Variants in CAPN8 observed in about 807,000 individuals in gnomAD.
CAPN8 encodes calpain-8.
In CAPN8, 87 loss-of-function variants were observed where a neutral mutation model predicts 80.9. The ratio of observed to expected loss-of-function variants is 1.07; its 90% CI spans 0.90 to 1.28. CAPN8 has a LOEUF of 1.28. Among genes scored for constraint, CAPN8 ranks in the 50% most tolerant of loss-of-function variants. CAPN8 has a pLI of 0.00. For missense variants in CAPN8, 757 were observed against 702.0 expected, an observed-to-expected ratio of 1.08 and a Z score of -0.89; for synonymous variants, 299 against 273.8, an observed-to-expected ratio of 1.09 and a Z score of -0.91.
intron 4 of CAPN8, 58 bp from the exon 5 acceptor site, chr1:223,627,215 A>T: frequency 1.3e-6 from 2 of 1,525,676 alleles, no homozygotes; most frequent in East Asian, 2.5e-5. Context: ...AGACCCGGGG[A>T]TTGGGGACCG....
At chr1:223,624,866 G>A (rs542509079) in intron 6 of CAPN8, among the ~76,000 whole-genome samples, 11 of 152,166 alleles carry the variant, frequency 7.2e-5, no homozygotes, top group African/African-American at 1.2e-4. Context: ...AGGTCGAGGC[G>A]GGCAGATCAT....
At chr1:223,544,897 C>T in intron 17 of CAPN8, 47 bp from the exon 18 acceptor site, 2 of 1,550,514 alleles carry the variant, frequency 1.3e-6, no homozygotes, top group African/African-American at 1.4e-5. Context: ...ATTCACGGCC[C>T]CTGCCAGAAC....
chr1:223,657,850 A>G (rs1305474341), intron 1 of CAPN8, among the ~76,000 whole-genome samples: 2 of 152,152 alleles, frequency 1.3e-5, no homozygotes, highest in African/African-American at 4.8e-5. Context: ...TTCTACATCC[A>G]TAGCTTCATA....
At position 223,619,363 on chromosome 1, in the gene CAPN8, T is replaced by A; in HGVS notation, c.1065A>T (p.Lys355Asn). ...GGCCGTTGAACAGGACCAGGTTCCA[T>A]TTGTGCACCTCCTCGCTACTCAGAG... The part of the protein sequence containing the change: ...PDSLSSEEVH[K>N]WNLVLFNGHW... The change falls in exon 9 of 21, where the codon AAA becomes AAT. Residue 355 changes from lysine to asparagine, a missense_variant. Lys to Asn is a moderately conservative substitution (Grantham distance 94). Coordinates refer to ENST00000366872, the MANE Select transcript of CAPN8 (RefSeq NM_001143962.2). 1 of 1,551,588 alleles carries A rather than the reference T, an allele frequency of 6.4e-7. No individual in the cohort carries two copies. The highest frequency in any genetic ancestry group is 8.7e-7 in the Non-Finnish European group (1 of 1,146,962).
chr1:223,646,301 G>C (rs755783526), intron 2 of CAPN8, among the ~76,000 whole-genome samples: 2 of 152,226 alleles, frequency 1.3e-5, no homozygotes, highest in Non-Finnish European at 2.9e-5. Flanking sequence ...CTTCCAGAAG[G>C]ACCAGCCTTT....
chr1:223,611,323 A>C (rs896244507), intron 11 of CAPN8, among the ~76,000 whole-genome samples: 1 of 152,238 alleles, frequency 6.6e-6, no homozygotes, highest in Non-Finnish European at 1.5e-5. Context: ...AGTGTGCCCT[A>C]TCAGTTTACT....
At chr1:223,550,424 G>A (rs1394350796) in intron 15 of CAPN8, among the ~76,000 whole-genome samples, 1 of 152,162 alleles carries the variant, frequency 6.6e-6, no homozygotes, top group Middle Eastern at 3.2e-3. Flanking sequence ...AGCTCCCTGT[G>A]TCCTCCTGTG....
At chr1:223,551,676 G>C (rs1368668671) in intron 14 of CAPN8, among the ~76,000 whole-genome samples, 1 of 152,218 alleles carries the variant, frequency 6.6e-6, no homozygotes, top group African/African-American at 2.4e-5. Flanking sequence ...CAGTGTGGAA[G>C]ATCCTTAAAT....
chr1:223,618,228 C>T (rs1226867715), intron 9 of CAPN8: 1 of 1,550,446 alleles, frequency 6.4e-7, no homozygotes, highest in African/African-American at 1.4e-5. Context: ...GTGGGGCTGT[C>T]TTCCTGAGTT....
At chr1:223,549,146 T>A (rs1656713323) in intron 16 of CAPN8, among the ~76,000 whole-genome samples, 172 bp downstream of exon 16, 2 of 152,172 alleles carry the variant, frequency 1.3e-5, no homozygotes, top group African/African-American at 4.8e-5. Flanking sequence ...ATCCATGATA[T>A]GATACATTTT....
intron 2 of CAPN8, among the ~76,000 whole-genome samples, chr1:223,644,609 A>C (rs1448080008): frequency 6.6e-6 from 1 of 152,182 alleles, no homozygotes; most frequent in African/African-American, 2.4e-5. Flanking sequence ...GTGGTGGTAA[A>C]TCCTGTAAAG....
intron 16 of CAPN8, 116 bp downstream of exon 16, chr1:223,549,202 C>T: frequency 8.0e-7 from 1 of 1,245,550 alleles, no homozygotes; most frequent in Non-Finnish European, 1.1e-6. Context: ...TCCATGCCTG[C>T]TCTCTCCCCT....
At chr1:223,640,828 C>A (rs551998922) in intron 2 of CAPN8, among the ~76,000 whole-genome samples, 2 of 152,150 alleles carry the variant, frequency 1.3e-5, no homozygotes, top group Non-Finnish European at 2.9e-5. Flanking sequence ...CCACCTAACA[C>A]TAGAAACATT....
chr1:223,544,871 C>T (rs1194609886), intron 17 of CAPN8, 21 bp from the exon 18 acceptor site: 1 of 1,551,488 alleles, frequency 6.4e-7, no homozygotes, highest in Non-Finnish European at 8.7e-7. Context: ...AAAGAAATCC[C>T]AAGTAGAAAA....
At chr1:223,661,713 G>A (rs1460742795) in intron 1 of CAPN8, among the ~76,000 whole-genome samples, 2 of 152,156 alleles carry the variant, frequency 1.3e-5, no homozygotes, top group Non-Finnish European at 2.9e-5. Flanking sequence ...CACTGCTGGT[G>A]GGAATGCAAA....
chr1:223,629,859 C>G (rs1403208690), intron 2 of CAPN8, among the ~76,000 whole-genome samples: 1 of 152,290 alleles, frequency 6.6e-6, no homozygotes, highest in East Asian at 1.9e-4. Flanking sequence ...TCATTCCATT[C>G]AAACAGCTCC....
rs1276093541 is a variant in CAPN8, at chr1:223,551,147, T to G, written c.1642-130A>C. 1.2e-5 allele frequency: 7 copies of G among 597,298 alleles called. No individual in the cohort carries two copies. In the East Asian group the frequency reaches 1.7e-4, roughly 15 times the overall value. 37.0% of individuals were successfully genotyped at this position (597,298 alleles called of 1,614,324 possible). ...GCCCTGTGAGGTTTATTTGTTTTTG[T>G]TTTTTGTTTTTTTTTGAGACAGTCT... On this transcript the variant is annotated intron_variant, in intron 14 of 20. Coordinates refer to ENST00000366872, the MANE Select transcript of CAPN8 (RefSeq NM_001143962.2).
rs1487278336 is a variant in CAPN8, at chr1:223,619,131, T to A, written c.1135+162A>T. 2.0e-5 allele frequency among the ~76,000 whole-genome samples: 3 copies of A among 151,056 alleles called. No homozygotes were observed. The South Asian group carries it at 6.4e-4, about 32-fold the overall frequency. On this transcript the variant is annotated intron_variant, in intron 9 of 20. Coordinates refer to ENST00000366872, the MANE Select transcript of CAPN8 (RefSeq NM_001143962.2). ...ATCACTTGAGCCCGGGAGGCGGAGG[T>A]TGTGATGAGCAGAGATCGTGCCACT...
At chr1:223,612,279 CA>C in intron 10 of CAPN8, 22 bp from the exon 11 acceptor site, 1 of 1,234,188 alleles carries the variant, frequency 8.1e-7, no homozygotes, top group Non-Finnish European at 1.0e-6. Flanking sequence ...AAGAAAAGAG[CA>C]GGTCACCTGA....
Sources: allele counts gnomAD v4.1 joint callset (sites outside exome capture counted in the v4.1 genomes callset), GRCh38; gene constraint gnomAD v4.1.1; transcripts MANE v1.5; gene names NCBI Gene and HGNC (gene_info 2026-07-23, HGNC 2026-07-21).